PHLDB3: variants seen among roughly 807,000 people sequenced by gnomAD.
PHLDB3 encodes the protein pleckstrin homology like domain family B member 3.
A neutral mutation model predicts 85.7 loss-of-function variants in PHLDB3; 86 were observed. That is an observed-to-expected ratio of 1.00 (90% CI 0.84 to 1.20). The LOEUF is 1.20. PHLDB3 is among the 50% of genes most tolerant of loss of function. The pLI, the probability that PHLDB3 is intolerant of heterozygous loss-of-function variation, is 0.00. For missense variants in PHLDB3, 995 were observed against 873.0 expected (o/e 1.14, Z -1.76); for synonymous variants, 376 against 349.8 (o/e 1.07, Z -0.83).
chr19:43,504,031 C>T lies in PHLDB3; in HGVS notation c.88G>A (p.Glu30Lys). The change falls in exon 2 of 16, where the codon GAG (glutamate) becomes AAG (lysine). Residue 30 changes from glutamate (E) to lysine (K), a missense_variant. By Grantham distance (56) the Glu-to-Lys change is moderately conservative. Coordinates refer to ENST00000292140, the MANE Select transcript of PHLDB3 (RefSeq NM_198850.4). Reference protein sequence around the residue: ...DVEVQPQGHPEESREQEASEV... With the variant: ...DVEVQPQGHPKESREQEASEV... ...GATGCCTCCTGTTCCCGGGACTCCTCGGGATGGCCCTGGGGCTGGACCTCC... is the reference window on the plus strand; with the variant it reads ...GATGCCTCCTGTTCCCGGGACTCCTTGGGATGGCCCTGGGGCTGGACCTCC... 6.2e-7 allele frequency: 1 copy of T among 1,613,906 alleles called. No homozygotes were observed. Among genetic ancestry groups the T allele is most frequent in the Non-Finnish European group, 8.5e-7 (1 of 1,179,798 alleles).
chr19:43,497,211 C>T lies in PHLDB3; in HGVS notation c.732G>A (p.Glu244=). 6.4e-7 allele frequency: 1 copy of T among 1,550,426 alleles called. No homozygotes were observed. The highest frequency in any genetic ancestry group is 8.7e-7 in the Non-Finnish European group (1 of 1,150,732). Residue 244 remains glutamate (E), a synonymous_variant, in exon 6 of 16, where the codon GAG becomes GAA. Transcript: ENST00000292140. The stretch of plus-strand genomic sequence containing the variant: ...CCCGATCCTCCTCCTCCTGCCGGCT[C>T]TCCCGCTCCAGTTGCTGGAACTCCA... ...EDLEFQQLER[E]SRQEEEDRDS... is the part of the protein sequence containing the mutation.
At chr19:43,493,317 A>C (rs949095091) in intron 9 of PHLDB3, among the ~76,000 whole-genome samples, 19 of 142,320 alleles carry the variant, frequency 1.3e-4, no homozygotes, top group Non-Finnish European at 2.0e-4. Context: ...TAAATAAATA[A>C]AATAAAAGCC....
chr19:43,493,316 A>AAATAAAT (rs1555755888), intron 9 of PHLDB3, among the ~76,000 whole-genome samples: 1 of 134,658 alleles, frequency 7.4e-6, no homozygotes, highest in East Asian at 2.1e-4. Flanking sequence ...ATAAATAAAT[A>AAATAAAT]AAATAAAAGC....
intron 6 of PHLDB3, chr19:43,496,873 G>GAAA (rs35557273): frequency 2.8e-3 from 1,261 of 447,162 alleles, no homozygotes; most frequent in East Asian, 0.016. Context: ...TTTATAACGT[G>GAAA]AAAAAAAAAA....
chr19:43,487,705 G>A (rs1022473232), intron 9 of PHLDB3, among the ~76,000 whole-genome samples: 5 of 152,090 alleles, frequency 3.3e-5, no homozygotes, highest in East Asian at 3.9e-4. Context: ...GCTAAGGGAT[G>A]CAGGGTTTCT....
chr19:43,480,264 TAAAA>T (rs57417757), intron 13 of PHLDB3, among the ~76,000 whole-genome samples: 6 of 71,612 alleles, frequency 8.4e-5, no homozygotes, highest in African/African-American at 2.4e-4. Context: ...CTTCTCTATT[TAAAA>T]AAAAAAAAAA....
Position 43,495,576 on chromosome 19 carries a change from G to A in PHLDB3, c.870C>T (p.Leu290=). Residue 290 remains leucine, a synonymous_variant, in exon 7 of 16, where the codon CTC becomes CTT. Transcript: ENST00000292140. The part of the protein sequence containing the change: ...QHRIRVLEEQ[L]KSLGEQMAAE... ...CTGCCATCTGCTCCCCCAGTGACTT[G>A]AGCTGCTCTTCCAGGACCCGGATCC... 1 of 1,610,656 alleles carries A rather than the reference G, an allele frequency of 6.2e-7. No homozygotes were observed. The highest frequency in any genetic ancestry group is 8.5e-7 in the Non-Finnish European group (1 of 1,178,600).
intron 3 of PHLDB3, 48 bp downstream of exon 3, chr19:43,502,053 G>T: frequency 2.0e-6 from 3 of 1,537,038 alleles, no homozygotes; most frequent in Non-Finnish European, 2.6e-6. Context: ...GGCTTTGCGG[G>T]TTCCGCTTGA....
intron 9 of PHLDB3, among the ~76,000 whole-genome samples, chr19:43,487,591 A>AAAAAAAAAAAAAAAAAAAAAAAACAC (rs1167897767): frequency 2.6e-5 from 3 of 115,800 alleles, no homozygotes; most frequent in Non-Finnish European, 3.9e-5. Context: ...AAAAAAAAAA[A>AAAAAAAAAAAAAAAAAAAAAAAACAC]ACACAGAAAA....
Position 43,475,319 on chromosome 19 carries a change from G to C in PHLDB3, c.*91C>G. 6.6e-7 allele frequency: 1 copy of C among 1,516,868 alleles called. No individual in the cohort carries two copies. Among genetic ancestry groups the C allele is most frequent in the African/African-American group, 1.4e-5 (1 of 71,968 alleles). The allele number at this position is 1,516,868 out of a possible 1,614,324, so 94.0% of individuals were successfully genotyped here. On this transcript the variant is annotated 3_prime_UTR_variant, in exon 16 of 16. Transcript: ENST00000292140. ...GAGAGTTCCAAAGCGGTGCGTCCAAGTTTTCCGGCAGTGGGCGGGGCCTAG... is the reference window on the plus strand; with the variant it reads ...GAGAGTTCCAAAGCGGTGCGTCCAACTTTTCCGGCAGTGGGCGGGGCCTAG...
intron 4 of PHLDB3, among the ~76,000 whole-genome samples, chr19:43,499,808 C>T (rs1768117589): frequency 6.6e-6 from 1 of 151,922 alleles, no homozygotes; most frequent in Non-Finnish European, 1.5e-5. Flanking sequence ...ATCTTGGCTC[C>T]TGGGAGCTGC....
chr19:43,489,778 A>G (rs919441990), intron 9 of PHLDB3, among the ~76,000 whole-genome samples: 4 of 152,020 alleles, frequency 2.6e-5, no homozygotes, highest in African/African-American at 9.7e-5. Context: ...AGGCCGAGGC[A>G]GGCAGATCAC....
rs866115983 is a variant in PHLDB3 at position 43,479,743 on chromosome 19, C to G, written c.1486-150G>C. 2.1e-5 allele frequency: 13 copies of G among 623,630 alleles called. No homozygotes were observed. The Middle Eastern group carries it at 1.3e-3, about 61-fold the overall frequency. The allele number at this position is 623,630 out of a possible 1,614,324, so 38.6% of individuals were successfully genotyped here. ...ATTAACTAGGACCATCTGACAAATG[C>G]AACGGCTACGTGGATTGACTGTGAT... On this transcript the variant is annotated intron_variant, in intron 13 of 15. Transcript: ENST00000292140.
chr19:43,493,751 G>A (rs949548946), intron 9 of PHLDB3, among the ~76,000 whole-genome samples: 1 of 150,780 alleles, frequency 6.6e-6, no homozygotes, highest in African/African-American at 2.4e-5. Flanking sequence ...AATAGCATAT[G>A]TACCCCATAA....
At chr19:43,477,740 G>A (rs373810499) in intron 15 of PHLDB3, among the ~76,000 whole-genome samples, 8 of 145,720 alleles carry the variant, frequency 5.5e-5, no homozygotes, top group African/African-American at 1.3e-4. Flanking sequence ...CCAGGGAGGC[G>A]GAGGTTGCAG....
In PHLDB3 at chr19:43,479,566, C is replaced by G; in HGVS notation, c.1513G>C (p.Gly505Arg). ...TGCCGGAGATCCAAGATTCGCGGGCCTGGAGGGTGGGGTGGGGTGGGTGGG... is the reference window on the plus strand; with the variant it reads ...TGCCGGAGATCCAAGATTCGCGGGCGTGGAGGGTGGGGTGGGGTGGGTGGG... ...TAPPTPPHPP[G>R]PRILDLRQHL... The change falls in exon 14 of 16, where the codon GGC becomes CGC. Residue 505 changes from glycine (G) to arginine (R), a missense_variant. Coordinates refer to ENST00000292140, the MANE Select transcript of PHLDB3 (RefSeq NM_198850.4). 1.2e-5 allele frequency: 5 copies of G among 419,280 alleles called. No homozygotes were observed. Among genetic ancestry groups the G allele is most frequent in the South Asian group, 2.8e-5 (1 of 35,712 alleles). 26.0% of individuals were successfully genotyped at this position (419,280 alleles called of 1,614,324 possible).
intron 9 of PHLDB3, among the ~76,000 whole-genome samples, chr19:43,488,886 G>C (rs1175185759): frequency 6.6e-6 from 1 of 151,092 alleles, no homozygotes; most frequent in East Asian, 1.9e-4. Flanking sequence ...TGCAACCTCC[G>C]CCTCCTGGGT....
chr19:43,495,808 G>T, intron 6 of PHLDB3, 188 bp from the exon 7 acceptor site: 2 of 712,660 alleles, frequency 2.8e-6, no homozygotes, highest in Admixed American at 6.6e-5. Context: ...GTCCAGAAGA[G>T]ATCTGGGGAA....
At chr19:43,503,164 G>C (rs1971658139) in intron 2 of PHLDB3, among the ~76,000 whole-genome samples, 1 of 151,918 alleles carries the variant, frequency 6.6e-6, no homozygotes, top group Admixed American at 6.6e-5. Context: ...TGTCTTTTTG[G>C]GGTCTTTGTC....
Sources: gnomAD v4.1 joint callset for allele counts (sites outside exome capture counted in the v4.1 genomes callset) on GRCh38, gnomAD v4.1.1 for gene constraint, MANE v1.5 for transcripts, NCBI Gene and HGNC (gene_info 2026-07-23, HGNC 2026-07-21) for gene names.